The following RIMS2 variants were observed in gnomAD, a reference collection of about 807,000 sequenced individuals.
The protein encoded by RIMS2 is regulating synaptic membrane exocytosis 2.
A neutral mutation model predicts 174.4 loss-of-function variants in RIMS2; 59 were observed. The ratio of observed to expected loss-of-function variants is 0.34; its 90% CI spans 0.27 to 0.42. The LOEUF (loss-of-function observed/expected upper bound fraction) is 0.42. RIMS2 is among the 10% of genes least tolerant of loss of function. RIMS2 has a pLI of 1.00. For synonymous variants in RIMS2, 606 were observed against 572.5 expected (o/e 1.06, Z -0.84); for missense variants, 1,620 against 1,666.3 (o/e 0.97, Z 0.48).
intron 6 of RIMS2, among the ~76,000 whole-genome samples, chr8:103,912,401 A>G (rs887168162): frequency 6.6e-6 from 1 of 152,300 alleles, no homozygotes; most frequent in South Asian, 2.1e-4. Flanking sequence ...GGAAGACATT[A>G]AAAGTAACCT....
At chr8:103,915,693 G>A in intron 7 of RIMS2, 99 bp downstream of exon 10, 1 of 522,482 alleles carries the variant, frequency 1.9e-6, no homozygotes. Flanking sequence ...ATAACAAAGA[G>A]CTCATTTAAC....
rs1043168145 is a variant in RIMS2 at position 103,819,393 on chromosome 8, C to T, written c.698+52856C>T. On this transcript the variant is annotated intron_variant, in intron 3 of 23. Coordinates refer to ENST00000504942, the Ensembl canonical transcript of RIMS2. ...ATTTAAGCACAGTTTTTACAGAGCT[C>T]AGGAGAAATATGGAACTTGATTGGC... is the stretch of plus-strand genomic sequence containing the variant. 3.2e-6 allele frequency: 5 copies of T among 1,570,120 alleles called. No homozygotes were observed. In the African/African-American group the frequency reaches 5.5e-5, roughly 17 times the overall value.
intron 4 of RIMS2, among the ~76,000 whole-genome samples, chr8:103,905,093 A>ATATAAAGT (rs2074082242): frequency 6.6e-6 from 1 of 151,986 alleles, no homozygotes; most frequent in Admixed American, 6.6e-5. Flanking sequence ...TATGTTGAAA[A>ATATAAAGT]CCACATCAGA....
chr8:104,068,715 A>C, intron 19 of RIMS2, 103 bp downstream of exon 23: 1 of 646,068 alleles, frequency 1.5e-6, no homozygotes, highest in South Asian at 1.8e-5. Context: ...CAAACATATA[A>C]TGCCATGGCC....
At chr8:104,048,387 C>T (rs1316575538) in intron 19 of RIMS2, among the ~76,000 whole-genome samples, 1 of 152,000 alleles carries the variant, frequency 6.6e-6, no homozygotes, top group African/African-American at 2.4e-5. Context: ...TCATGCCCAC[C>T]TATTTAAAAC....
intron 19 of RIMS2, among the ~76,000 whole-genome samples, chr8:104,091,933 A>G (rs1045477416): frequency 4.0e-5 from 6 of 151,754 alleles, no homozygotes; most frequent in Non-Finnish European, 7.4e-5. Flanking sequence ...ATGCTTTTCA[A>G]TAATTGAGAG....
intron 17 of RIMS2, among the ~76,000 whole-genome samples, chr8:104,003,186 A>ATCATGGAAGACACATGG (rs1244593732): frequency 3.9e-5 from 6 of 152,190 alleles, no homozygotes; most frequent in Non-Finnish European, 7.3e-5. Flanking sequence ...ATTTTTATGT[A>ATCATGGAAGACACATGG]AAGTATCATG....
intron 3 of RIMS2, among the ~76,000 whole-genome samples, chr8:103,853,442 G>C (rs539935673): frequency 6.6e-5 from 10 of 151,902 alleles, no homozygotes; most frequent in Non-Finnish European, 1.5e-4. Flanking sequence ...TGGGGATTTA[G>C]CCAAAAATTC....
At chr8:103,698,086 C>T (rs2097128089) in intron 2 of RIMS2, among the ~76,000 whole-genome samples, 1 of 152,182 alleles carries the variant, frequency 6.6e-6, no homozygotes, top group Non-Finnish European at 1.5e-5. Context: ...TATTTTTTTA[C>T]ATACATTACT....
At chr8:103,867,832 G>A (rs1325079918) in intron 3 of RIMS2, among the ~76,000 whole-genome samples, 1 of 151,986 alleles carries the variant, frequency 6.6e-6, no homozygotes, top group Non-Finnish European at 1.5e-5. Context: ...ATGGTTCACT[G>A]GGAAGGTCAG....
intron 19 of RIMS2, among the ~76,000 whole-genome samples, chr8:104,049,246 C>T (rs1295677403): frequency 1.3e-5 from 2 of 151,704 alleles, no homozygotes; most frequent in Non-Finnish European, 2.9e-5. Flanking sequence ...CACGGTGAAA[C>T]CCCATCTCTA....
intron 1 of RIMS2, among the ~76,000 whole-genome samples, chr8:103,667,023 A>G (rs944391210): frequency 2.0e-5 from 3 of 152,358 alleles, no homozygotes; most frequent in Admixed American, 1.3e-4. Flanking sequence ...GGAGATGACT[A>G]TTATGACTGT....
intron 3 of RIMS2, among the ~76,000 whole-genome samples, chr8:103,861,879 T>C (rs1294796205): frequency 6.6e-6 from 1 of 152,188 alleles, no homozygotes; most frequent in African/African-American, 2.4e-5. Flanking sequence ...TTCTAGATAT[T>C]AGTCCTTTGT....
intron 3 of RIMS2, among the ~76,000 whole-genome samples, chr8:103,840,087 A>T (rs1199382096): frequency 6.6e-6 from 1 of 152,198 alleles, no homozygotes; most frequent in Non-Finnish European, 1.5e-5. Context: ...TGTCCAACAC[A>T]TTAAAGTGGT....
chr8:103,957,365 G>T (rs1257756986), intron 14 of RIMS2, among the ~76,000 whole-genome samples: 1 of 151,896 alleles, frequency 6.6e-6, no homozygotes, highest in African/African-American at 2.4e-5. Flanking sequence ...GCTCATCAAT[G>T]AATCAATGAT....
At chr8:103,617,768 G>A (rs1047936917) in intron 1 of RIMS2, among the ~76,000 whole-genome samples, 1 of 152,074 alleles carries the variant, frequency 6.6e-6, no homozygotes, top group Non-Finnish European at 1.5e-5. Flanking sequence ...CAGTATTAGT[G>A]ATCATTAGAG....
intron 19 of RIMS2, among the ~76,000 whole-genome samples, chr8:104,238,020 T>C (rs1479066791): frequency 6.6e-6 from 1 of 151,872 alleles, no homozygotes; most frequent in Non-Finnish European, 1.5e-5. Flanking sequence ...ATGGGCACTA[T>C]TTACAATAGC....
intron 1 of RIMS2, among the ~76,000 whole-genome samples, chr8:103,560,333 C>T (rs781060573): frequency 2.4e-4 from 36 of 151,896 alleles, no homozygotes; most frequent in Non-Finnish European, 4.4e-4. Flanking sequence ...GCCAAGATTG[C>T]GCCATTGCAC....
At chr8:103,997,289 A>G (rs2095164516) in intron 17 of RIMS2, among the ~76,000 whole-genome samples, 1 of 151,824 alleles carries the variant, frequency 6.6e-6, no homozygotes, top group African/African-American at 2.4e-5. Flanking sequence ...AAGCAAGGTC[A>G]TATGGGAAGC....
Sources: allele counts gnomAD v4.1 joint callset (sites outside exome capture counted in the v4.1 genomes callset), GRCh38; gene constraint gnomAD v4.1.1; transcripts MANE v1.5; gene names NCBI Gene and HGNC (gene_info 2026-07-23, HGNC 2026-07-21).